MAF: variants seen among roughly 807,000 people sequenced by gnomAD.
MAF encodes MAF bZIP transcription factor, also known as transcription factor Maf.
In MAF, 10 loss-of-function variants were observed where a neutral mutation model predicts 22.0. That is an observed-to-expected ratio of 0.45 (90% CI 0.28 to 0.77). MAF has a LOEUF of 0.77. Ranked by LOEUF, MAF falls within the 30% of genes least tolerant of loss-of-function variation. MAF has a pLI of 0.12. For missense variants in MAF, 544 were observed against 548.4 expected, an observed-to-expected ratio of 0.99 and a Z score of 0.08; for synonymous variants, 337 against 255.8, an observed-to-expected ratio of 1.32 and a Z score of -3.03.
the MAF span, among the ~76,000 whole-genome samples, chr16:79,427,808 T>G: frequency 3.9e-5 from 6 of 152,136 alleles, no homozygotes; most frequent in Non-Finnish European, 5.9e-5. Context: ...GGCTTTCCAT[T>G]AGACCATGCA....
chr16:79,237,345 A>T, the MAF span, among the ~76,000 whole-genome samples: 1 of 152,086 alleles, frequency 6.6e-6, no homozygotes, highest in Non-Finnish European at 1.5e-5. Context: ...TTAAAGCCTC[A>T]TGGCGTTTGC....
At chr16:79,258,047 A>G in the MAF span, among the ~76,000 whole-genome samples, 1 of 152,220 alleles carries the variant, frequency 6.6e-6, no homozygotes, top group Non-Finnish European at 1.5e-5. Context: ...AAATGGCCAG[A>G]TAACATCGCG....
chr16:79,296,437 G>T, the MAF span, among the ~76,000 whole-genome samples: 1 of 152,074 alleles, frequency 6.6e-6, no homozygotes, highest in Non-Finnish European at 1.5e-5. Flanking sequence ...CCTAGGTGAT[G>T]GATTGATAAG....
the MAF span, among the ~76,000 whole-genome samples, chr16:79,277,575 C>T: frequency 1.3e-5 from 2 of 152,106 alleles, no homozygotes; most frequent in African/African-American, 4.8e-5. Flanking sequence ...ACTATTAGTA[C>T]TATTGTATCT....
At chr16:79,495,094 G>A in the MAF span, among the ~76,000 whole-genome samples, 1 of 152,042 alleles carries the variant, frequency 6.6e-6, no homozygotes, top group East Asian at 1.9e-4. Context: ...TCTAAACCAG[G>A]TAGTTTACAG....
the MAF span, among the ~76,000 whole-genome samples, chr16:79,234,496 A>G: frequency 8.0e-4 from 122 of 152,238 alleles, 4 homozygotes; most frequent in East Asian, 5.0e-3. Context: ...ATGAACCAAC[A>G]TGCTTTAATA....
the MAF span, among the ~76,000 whole-genome samples, chr16:79,571,799 G>A: frequency 0.01 from 1,582 of 152,096 alleles, 27 homozygotes; most frequent in African/African-American, 0.036. Flanking sequence ...GACCCATGCT[G>A]GAAATGCTTT....
rs1373647011 is a variant in MAF, at chr16:79,599,128, C to A, written c.775G>T (p.Asp259Tyr). The A allele has an allele frequency of 2.5e-6, 4 of 1,588,632 alleles. No homozygotes were observed. Among genetic ancestry groups the A allele is most frequent in the Admixed American group, 1.7e-5 (1 of 58,814 alleles). Residue 259 changes from aspartate (D) to tyrosine (Y), a missense_variant, in exon 1 of 2, where the codon GAC becomes TAC. By Grantham distance (160) the Asp-to-Tyr change is radical. This residue lies in a region of MAF where 342 missense variants were observed against 315.5 expected (regional missense o/e 1.08). Coordinates refer to ENST00000326043, the MANE Select transcript of MAF (RefSeq NM_005360.5). Reference sequence around the variant, plus strand: ...ACCAGCTGCTCGTCGGAGAAGCGGTCGTCGAAGTGCAGGCCGCCGGCGGCG... The same window carrying A: ...ACCAGCTGCTCGTCGGAGAAGCGGTAGTCGAAGTGCAGGCCGCCGGCGGCG... ...HHAAGGLHFD[D>Y]RFSDEQLVTM...
the MAF span, among the ~76,000 whole-genome samples, chr16:79,402,939 T>C: frequency 7.4e-4 from 112 of 151,706 alleles, no homozygotes; most frequent in African/African-American, 2.5e-3. Context: ...GTGGAGGTTG[T>C]GGAGCCTTGG....
chr16:79,265,063 T>C, the MAF span, among the ~76,000 whole-genome samples: 1 of 152,328 alleles, frequency 6.6e-6, no homozygotes, highest in African/African-American at 2.4e-5. Context: ...AAGTAATTTT[T>C]TTTAACTCTA....
the MAF span, among the ~76,000 whole-genome samples, chr16:79,558,384 C>T: frequency 6.6e-6 from 1 of 152,300 alleles, no homozygotes. Context: ...AATATCATGG[C>T]TTAAAGTCGC....
At chr16:79,231,710 G>A in the MAF span, among the ~76,000 whole-genome samples, 2 of 152,094 alleles carry the variant, frequency 1.3e-5, no homozygotes, top group African/African-American at 4.8e-5. Flanking sequence ...ACCAGGGACT[G>A]GTTTCACGGA....
chr16:79,394,474 T>C, the MAF span, among the ~76,000 whole-genome samples: 1 of 152,166 alleles, frequency 6.6e-6, no homozygotes, highest in South Asian at 2.1e-4. Context: ...TGCATCTCAC[T>C]GCATTTTGAT....
chr16:79,312,920 A>G, the MAF span, among the ~76,000 whole-genome samples: 119 of 152,302 alleles, frequency 7.8e-4, no homozygotes, highest in African/African-American at 2.7e-3. Flanking sequence ...GTGGCCTGAT[A>G]ATATAAGACT....
At chr16:79,500,425 G>T in the MAF span, among the ~76,000 whole-genome samples, 4 of 152,154 alleles carry the variant, frequency 2.6e-5, no homozygotes, top group African/African-American at 9.7e-5. Context: ...CTAGACAAAA[G>T]TCTCCACAAG....
the MAF span, among the ~76,000 whole-genome samples, chr16:79,518,034 T>C: frequency 6.6e-6 from 1 of 152,214 alleles, no homozygotes; most frequent in African/African-American, 2.4e-5. Context: ...ATCATATATA[T>C]GAAAATGGAT....
the MAF span, among the ~76,000 whole-genome samples, chr16:79,350,575 T>A: frequency 6.6e-6 from 1 of 152,140 alleles, no homozygotes; most frequent in Non-Finnish European, 1.5e-5. Flanking sequence ...GTGATATGCA[T>A]CCCTCCAGGC....
chr16:79,594,778 C>A (rs1331201545), intron 1 of MAF: 1 of 1,330,484 alleles, frequency 7.5e-7, no homozygotes, highest in African/African-American at 1.5e-5. Flanking sequence ...ATTGTTATTT[C>A]TAAAAATGCC....
chr16:79,297,735 C>A, the MAF span, among the ~76,000 whole-genome samples: 1 of 152,208 alleles, frequency 6.6e-6, no homozygotes, highest in Non-Finnish European at 1.5e-5. Context: ...CACAGGTACA[C>A]ATGGAGTTCT....
Sources: allele counts gnomAD v4.1 joint callset (sites outside exome capture counted in the v4.1 genomes callset), GRCh38; gene constraint gnomAD v4.1.1; regional missense constraint gnomAD v4.1.1; transcripts MANE v1.5; gene names NCBI Gene and HGNC (gene_info 2026-07-23, HGNC 2026-07-21).